Variants in CCDC144A observed in about 807,000 individuals in gnomAD.
CCDC144A encodes coiled-coil domain-containing protein 144A.
CCDC144A carries 41 observed loss-of-function variants against 143.8 expected under a neutral mutation model. The ratio of observed to expected loss-of-function variants is 0.29; its 90% CI spans 0.22 to 0.37. The LOEUF (loss-of-function observed/expected upper bound fraction) is 0.37, where lower values mean the gene tolerates loss of function less well. Ranked by LOEUF, CCDC144A falls within the 10% of genes least tolerant of loss-of-function variation. The probability of loss-of-function intolerance (pLI) is 1.00; values close to 1 mark genes in which losing one functional copy is unlikely to be tolerated. For synonymous variants in CCDC144A, 242 were observed against 517.9 expected, an observed-to-expected ratio of 0.47 and a Z score of 7.23; for missense variants, 637 against 1,488.8, an observed-to-expected ratio of 0.43 and a Z score of 9.41.
intron 8 of CCDC144A, among the ~76,000 whole-genome samples, chr17:16,724,164 C>T (rs1913250741): frequency 6.6e-6 from 1 of 152,022 alleles, no homozygotes; most frequent in African/African-American, 2.4e-5. Flanking sequence ...TATTTTGTTA[C>T]TAATTTGTGA....
the CCDC144A span, among the ~76,000 whole-genome samples, chr17:16,670,792 A>G: frequency 2.0e-5 from 3 of 152,038 alleles, no homozygotes. Context: ...TAAAAATGTG[A>G]GCCACCATCC....
rs375134449 is a variant in CCDC144A, at chr17:16,690,568, C to T, written c.168C>T (p.Asn56=). 5.5e-5 allele frequency: 89 copies of T among 1,613,752 alleles called. No individual in the cohort carries two copies. Among genetic ancestry groups the T allele is most frequent in the African/African-American group, 2.5e-4 (19 of 75,044 alleles). ...GCTTCCCCTACAGCTGGTGGAAAAA[C>T]AGCGTCGGCAGCGAGAGCAAGCACG... The part of the protein sequence containing the change: ...SSGFPYSWWK[N]SVGSESKHGE... Residue 56 remains asparagine (N), a synonymous_variant, in exon 1 of 17, where the codon AAC becomes AAT. Transcript: ENST00000399273.
chr17:16,716,964 C>G (rs1912797563), intron 6 of CCDC144A, among the ~76,000 whole-genome samples: 1 of 151,496 alleles, frequency 6.6e-6, no homozygotes, highest in African/African-American at 2.4e-5. Flanking sequence ...CAGGCACCCA[C>G]CACCGCACAC....
At position 16,720,077 on chromosome 17, in the gene CCDC144A, C is replaced by T. The variant is rs1488229891; in HGVS notation, c.1716-121C>T. 3.9e-5 allele frequency: 50 copies of T among 1,271,904 alleles called. No homozygotes were observed. The East Asian group carries it at 1.3e-3, about 32-fold the overall frequency. The allele number at this position is 1,271,904 out of a possible 1,614,324, so 78.8% of individuals were successfully genotyped here. ...ATTACCTGTAAAAAAATTACCTATA[C>T]ACTTGATGAATAGAAGTAACACAAA... On this transcript the variant is annotated intron_variant, in intron 6 of 16. Coordinates refer to ENST00000399273, the MANE Select transcript of CCDC144A (RefSeq NM_001382000.1).
the CCDC144A span, among the ~76,000 whole-genome samples, chr17:16,673,238 G>A: frequency 1.3e-5 from 2 of 151,402 alleles, no homozygotes; most frequent in African/African-American, 4.8e-5. Flanking sequence ...AGACTGTGAG[G>A]TTCTGCCCAC....
chr17:16,734,274 TAAAG>T (rs1331318001), intron 11 of CCDC144A, among the ~76,000 whole-genome samples: 2 of 152,016 alleles, frequency 1.3e-5, no homozygotes, highest in Non-Finnish European at 2.9e-5. Flanking sequence ...AAAAAGAACT[TAAAG>T]AACGTTGGAA....
the CCDC144A span, among the ~76,000 whole-genome samples, chr17:16,667,454 C>G: frequency 0.072 from 10,865 of 150,910 alleles, 533 homozygotes; most frequent in Middle Eastern, 0.19. Context: ...TGAGGTGGCT[C>G]AGGGGCTGAC....
intron 5 of CCDC144A, among the ~76,000 whole-genome samples, chr17:16,711,150 A>AAAAAAAAAAAAAAAAAAG (rs1567589760): frequency 7.1e-6 from 1 of 140,954 alleles, no homozygotes; most frequent in African/African-American, 2.6e-5. Flanking sequence ...AAAAAAAAAA[A>AAAAAAAAAAAAAAAAAAG]AAAAAAAACA....
chr17:16,698,978 C>T (rs1338835418), intron 2 of CCDC144A, among the ~76,000 whole-genome samples: 3 of 152,212 alleles, frequency 2.0e-5, no homozygotes, highest in Non-Finnish European at 4.4e-5. Context: ...TTTGTTAGTG[C>T]AGTTCCCTTT....
chr17:16,761,311 G>C (rs9901443), intron 12 of CCDC144A, 114 bp from the exon 13 acceptor site: 136,203 of 1,431,796 alleles, frequency 0.095, 6,996 homozygotes, highest in African/African-American at 0.35. Flanking sequence ...TCCGGCCTGG[G>C]CGACAGAGCG....
upstream of CCDC144A, chr17:16,690,212 C>G (rs1192397141): frequency 8.9e-6 from 4 of 447,954 alleles, no homozygotes; most frequent in Admixed American, 3.7e-5. Flanking sequence ...GCGCACTGGT[C>G]TGTAACGGAT....
intron 14 of CCDC144A, among the ~76,000 whole-genome samples, chr17:16,762,867 A>G (rs1176166878): frequency 1.3e-5 from 2 of 150,060 alleles, no homozygotes. Context: ...ATGAAGCTTC[A>G]TAATTTAGAC....
At chr17:16,714,732 G>A (rs539879249) in intron 6 of CCDC144A, among the ~76,000 whole-genome samples, 1 of 151,854 alleles carries the variant, frequency 6.6e-6, no homozygotes, top group African/African-American at 2.4e-5. Flanking sequence ...CTTCTGCTCA[G>A]ATCCATCTGA....
At chr17:16,766,930 A>G (rs1392049508) in intron 15 of CCDC144A, 1 of 152,090 alleles carries the variant, frequency 6.6e-6, no homozygotes, top group Non-Finnish European at 1.5e-5. Flanking sequence ...AGGCATACCT[A>G]GTTTCCTTGT....
intron 14 of CCDC144A, 91 bp downstream of exon 14, chr17:16,762,624 T>C (rs1456997280): frequency 7.7e-7 from 1 of 1,305,074 alleles, no homozygotes; most frequent in Non-Finnish European, 1.0e-6. Flanking sequence ...TTCATGAGAT[T>C]TGTGGGAAGT....
chr17:16,686,924 C>A (rs771019378), upstream of CCDC144A, among the ~76,000 whole-genome samples: 15 of 152,030 alleles, frequency 9.9e-5, no homozygotes, highest in Non-Finnish European at 4.4e-5. Flanking sequence ...CATCCGCTGG[C>A]GTGTGGAGGT....
chr17:16,760,242 G>C (rs996807592), intron 12 of CCDC144A, among the ~76,000 whole-genome samples: 10 of 150,768 alleles, frequency 6.6e-5, no homozygotes, highest in Non-Finnish European at 1.3e-4. Context: ...GTATTTAGGA[G>C]AGGGAATGTC....
intron 12 of CCDC144A, among the ~76,000 whole-genome samples, chr17:16,749,261 G>T (rs1388968657): frequency 6.6e-6 from 1 of 151,940 alleles, no homozygotes; most frequent in Non-Finnish European, 1.5e-5. Flanking sequence ...TGCTGCTTTC[G>T]CTGTATCCCA....
rs941730224 is a variant in CCDC144A at position 16,726,891 on chromosome 17, T to TC, written c.1892-635dup. ...TCTGGTGGACTCTATGTCAGTTTTT[T>TC]CTCTCTGTGCGGTAGCCTGGAAACT... is the stretch of plus-strand genomic sequence containing the variant. On this transcript the variant is annotated intron_variant, in intron 8 of 16. Transcript: ENST00000399273. Among the ~76,000 whole-genome samples, 30 of 135,434 alleles carry TC rather than the reference T, an allele frequency of 2.2e-4. No homozygotes were observed. The East Asian group carries it at 5.2e-3, about 23-fold the overall frequency. 88.8% of individuals were successfully genotyped at this position (135,434 alleles called of 152,430 possible). A position where few individuals can be genotyped will look rare whatever the true frequency, so the allele number is the denominator to read the frequency against.
Sources: allele counts gnomAD v4.1 joint callset (sites outside exome capture counted in the v4.1 genomes callset), GRCh38; gene constraint gnomAD v4.1.1; transcripts MANE v1.5; gene names NCBI Gene and HGNC (gene_info 2026-07-23, HGNC 2026-07-21).